Variants in SPOCK1 observed in about 807,000 individuals in gnomAD.
SPOCK1 encodes SPARC (osteonectin), cwcv and kazal like domains proteoglycan 1.
SPOCK1 carries 23 observed loss-of-function variants against 55.3 expected under a neutral mutation model. The observed-to-expected ratio is 0.42, with a 90% CI of 0.30 to 0.59. The LOEUF is 0.59. Ranked by LOEUF, SPOCK1 falls within the 20% of genes least tolerant of loss-of-function variation. The pLI is 0.22. For synonymous variants in SPOCK1, 226 were observed against 221.0 expected, an observed-to-expected ratio of 1.02 and a Z score of -0.20; for missense variants, 499 against 552.5, an observed-to-expected ratio of 0.90 and a Z score of 0.97.
At chr5:137,367,481 T>C (rs1199159734) in intron 2 of SPOCK1, among the ~76,000 whole-genome samples, 4 of 152,204 alleles carry the variant, frequency 2.6e-5, no homozygotes, top group East Asian at 1.9e-4. Context: ...CACTTTCCTG[T>C]AAGAAGTTTA....
chr5:136,979,274 G>A, intron 10 of SPOCK1, 58 bp downstream of exon 10: 1 of 1,608,372 alleles, frequency 6.2e-7, no homozygotes, highest in East Asian at 2.2e-5. Flanking sequence ...TCCTTATGCA[G>A]TGAGGAACCA....
At chr5:137,458,724 T>C (rs142164459) in intron 2 of SPOCK1, among the ~76,000 whole-genome samples, 22 of 152,326 alleles carry the variant, frequency 1.4e-4, no homozygotes, top group African/African-American at 5.1e-4. Context: ...CTTGGGTGTA[T>C]CACATTGTCC....
intron 9 of SPOCK1, among the ~76,000 whole-genome samples, chr5:136,984,236 A>ATCACCGGAATTCATAGACTGCCTACATTT (rs1750794613): frequency 1.3e-5 from 2 of 152,164 alleles, no homozygotes; most frequent in African/African-American, 4.8e-5. Flanking sequence ...AGAGAAGAAA[A>ATCACCGGAATTCATAGACTGCCTACATTT]TCACCGGAAT....
At chr5:137,134,736 A>C (rs1197333321) in intron 4 of SPOCK1, among the ~76,000 whole-genome samples, 3 of 152,236 alleles carry the variant, frequency 2.0e-5, no homozygotes, top group East Asian at 3.8e-4. Flanking sequence ...CAACCAGTTC[A>C]AAGCCCCTGT....
chr5:137,010,249 G>A (rs1052108510), intron 6 of SPOCK1, among the ~76,000 whole-genome samples: 4 of 152,070 alleles, frequency 2.6e-5, no homozygotes, highest in African/African-American at 9.7e-5. Context: ...TACAGGAGGT[G>A]CAAAGGGAAG....
intron 2 of SPOCK1, among the ~76,000 whole-genome samples, chr5:137,431,739 G>A (rs1408460766): frequency 6.6e-6 from 1 of 152,210 alleles, no homozygotes; most frequent in African/African-American, 2.4e-5. Flanking sequence ...CTCTTTGCAT[G>A]TGTCCACTTC....
chr5:137,117,907 T>A (rs1221316363), intron 4 of SPOCK1, among the ~76,000 whole-genome samples: 2 of 152,216 alleles, frequency 1.3e-5, no homozygotes, highest in Non-Finnish European at 2.9e-5. Flanking sequence ...ATCTTCAGGA[T>A]TCAGGAATGA....
At position 136,985,143 on chromosome 5, in the gene SPOCK1, A is replaced by G. The variant is rs1181496799; in HGVS notation, c.988T>C (p.Leu330=). 3.7e-6 allele frequency: 6 copies of G among 1,614,008 alleles called. No homozygotes were observed. Among genetic ancestry groups the G allele is most frequent in the African/African-American group, 1.3e-5 (1 of 74,922 alleles). ...AGTGGCAAGAAATTGTACTTACCCAACAGGCTTTTCCCCTTACTCAGCTTC... is the reference window on the plus strand; with the variant it reads ...AGTGGCAAGAAATTGTACTTACCCAGCAGGCTTTTCCCCTTACTCAGCTTC... The part of the protein sequence containing the change: ...IQKLSKGKSL[L]GAFIPRCNEE... Residue 330 remains leucine (L), a synonymous_variant, in exon 9 of 11, where the codon TTG becomes CTG. Transcript: ENST00000394945.
At chr5:137,123,495 G>GC (rs1460402517) in intron 4 of SPOCK1, among the ~76,000 whole-genome samples, 1 of 152,122 alleles carries the variant, frequency 6.6e-6, no homozygotes, top group Non-Finnish European at 1.5e-5. Context: ...GTACTCAACT[G>GC]CCCCTCTTGT....
chr5:137,292,132 G>C (rs1273353613), intron 2 of SPOCK1, among the ~76,000 whole-genome samples: 1 of 152,088 alleles, frequency 6.6e-6, no homozygotes, highest in Non-Finnish European at 1.5e-5. Context: ...AAATTACAGG[G>C]AACAATAACT....
intron 3 of SPOCK1, among the ~76,000 whole-genome samples, chr5:137,171,153 C>T (rs1754747912): frequency 6.6e-6 from 1 of 152,194 alleles, no homozygotes; most frequent in Admixed American, 6.5e-5. Context: ...GCACCCGAGA[C>T]TACATGCTCA....
chr5:137,242,965 C>T lies in SPOCK1; in HGVS notation c.232+24045G>A, dbSNP rs571006216. Among the ~76,000 whole-genome samples, 6 of 152,008 alleles carry T rather than the reference C, an allele frequency of 3.9e-5. No individual in the cohort carries two copies. The South Asian group carries it at 8.3e-4, about 21-fold the overall frequency. ...ACAAAGAAACTAATAACAGTGGTGA[C>T]AGGGTGAGAAAATTGAGCACAAAGA... On this transcript the variant is annotated intron_variant, in intron 3 of 10. Coordinates refer to ENST00000394945, the MANE Select transcript of SPOCK1 (RefSeq NM_004598.4).
intron 2 of SPOCK1, among the ~76,000 whole-genome samples, chr5:137,466,076 G>T (rs1753614577): frequency 6.6e-6 from 1 of 152,188 alleles, no homozygotes; most frequent in Non-Finnish European, 1.5e-5. Flanking sequence ...GCCACAATCT[G>T]CCTCAGACAA....
chr5:137,008,132 C>T (rs1178360155), intron 6 of SPOCK1, among the ~76,000 whole-genome samples: 1 of 147,784 alleles, frequency 6.8e-6, no homozygotes, highest in Non-Finnish European at 1.5e-5. Context: ...CACACTGGGG[C>T]CTGTCGGGGG....
At chr5:137,310,751 A>T (rs942588621) in intron 2 of SPOCK1, among the ~76,000 whole-genome samples, 2 of 152,216 alleles carry the variant, frequency 1.3e-5, no homozygotes, top group Non-Finnish European at 2.9e-5. Context: ...CAAGGGTTTA[A>T]TGGGTTTATT....
chr5:137,136,374 AGAT>A, intron 4 of SPOCK1, among the ~76,000 whole-genome samples: 2 of 152,296 alleles, frequency 1.3e-5, no homozygotes, highest in African/African-American at 4.8e-5. Flanking sequence ...CCCTTCACCC[AGAT>A]GATGGAGACT....
chr5:137,301,976 T>C (rs976259928), intron 2 of SPOCK1, among the ~76,000 whole-genome samples: 3 of 152,054 alleles, frequency 2.0e-5, no homozygotes, highest in Non-Finnish European at 4.4e-5. Context: ...ATGCTGAGGG[T>C]CATGGCGCTT....
At chr5:137,232,027 C>A (rs2127094264) in intron 3 of SPOCK1, among the ~76,000 whole-genome samples, 1 of 152,276 alleles carries the variant, frequency 6.6e-6, no homozygotes, top group South Asian at 2.1e-4. Flanking sequence ...CTCTTCATAT[C>A]TTTTACTCAT....
At chr5:137,498,308 C>G (rs1292010303) in intron 2 of SPOCK1, 65 bp downstream of exon 2, 1 of 1,441,442 alleles carries the variant, frequency 6.9e-7, no homozygotes, top group South Asian at 1.4e-5. Context: ...ACACCCCAAC[C>G]CCGCTTCAGG....
Sources: gnomAD v4.1 joint callset for allele counts (sites outside exome capture counted in the v4.1 genomes callset) on GRCh38, gnomAD v4.1.1 for gene constraint, MANE v1.5 for transcripts, NCBI Gene and HGNC (gene_info 2026-07-23, HGNC 2026-07-21) for gene names.